MMD2: variants seen among roughly 807,000 people sequenced by gnomAD.
The protein encoded by MMD2 is monocyte to macrophage differentiation factor 2.
Under a neutral mutation model 33.5 loss-of-function variants are expected in MMD2, and 30 were observed. The observed-to-expected ratio is 0.90, with a 90% CI of 0.67 to 1.22. MMD2 has a LOEUF of 1.22. Among genes scored for constraint, MMD2 ranks in the 50% most tolerant of loss-of-function variants. The pLI is 0.00. For synonymous variants in MMD2, 129 were observed against 123.0 expected (o/e 1.05, Z -0.32); for missense variants, 364 against 325.4 (o/e 1.12, Z -0.91).
At chr7:4,934,281 T>C (rs1785676386) in intron 1 of MMD2, among the ~76,000 whole-genome samples, 1 of 150,252 alleles carries the variant, frequency 6.7e-6, no homozygotes, top group Non-Finnish European at 1.5e-5. Context: ...TTTTTGGATT[T>C]TTAGCGGAGA....
chr7:4,902,821 G>A (rs555881264), downstream of MMD2, among the ~76,000 whole-genome samples: 13 of 152,302 alleles, frequency 8.5e-5, no homozygotes, highest in Non-Finnish European at 1.9e-4. Flanking sequence ...CACTCGTGGT[G>A]CATGAAGCCA....
In MMD2 at chr7:4,910,035, G is replaced by C. The variant is rs760437263; in HGVS notation, c.468-85C>G. Reference sequence around the variant, plus strand: ...ACAGCTCCCTGTTCTTGGGGAAGAGGGAACACTCTGGCCAGAACAGTGAGA... The same window carrying C: ...ACAGCTCCCTGTTCTTGGGGAAGAGCGAACACTCTGGCCAGAACAGTGAGA... On this transcript the variant is annotated intron_variant, in intron 5 of 6. Coordinates refer to ENST00000401401, the MANE Select transcript of MMD2 (RefSeq NM_198403.4). 3.8e-5 allele frequency: 61 copies of C among 1,613,454 alleles called. No individual in the cohort carries two copies. In the East Asian group the frequency reaches 1.3e-3, roughly 35 times the overall value.
At chr7:4,903,630 G>A (rs549479753), downstream of MMD2, among the ~76,000 whole-genome samples, 40 of 152,332 alleles carry the variant, frequency 2.6e-4, no homozygotes, top group South Asian at 8.3e-4. Context: ...AGGTGGGCAC[G>A]CAGCCGGGGT....
Position 4,907,592 on chromosome 7 carries a change from G to C in MMD2, c.545C>G (p.Thr182Ser). 5 of 1,612,356 alleles carry C rather than the reference G, an allele frequency of 3.1e-6. No individual in the cohort carries two copies. In the South Asian group the frequency reaches 5.5e-5, roughly 18 times the overall value. ...PALVILSMPN[T>S]EGIWELVTGG... ...GGTCACCAGCTCCCAGATGCCCTCG[G>C]TGTTGGGCTGTCGGCAAGGACAAGG... Residue 182 changes from threonine to serine, a missense_variant, in exon 7 of 7, where the codon ACC becomes AGC. Transcript: ENST00000401401.
At chr7:4,926,359 G>T (rs1785427479) in intron 1 of MMD2, among the ~76,000 whole-genome samples, 1 of 152,176 alleles carries the variant, frequency 6.6e-6, no homozygotes, top group Non-Finnish European at 1.5e-5. Context: ...TTCCCAAAGT[G>T]CTGGGATTAC....
At chr7:4,942,415 AT>A (rs10544029) in intron 1 of MMD2, among the ~76,000 whole-genome samples, 37,702 of 150,698 alleles carry the variant, frequency 0.25, 6,716 homozygotes, top group African/African-American at 0.5. Context: ...GGACATTTCT[AT>A]TTTTTTTTTA....
intron 1 of MMD2, among the ~76,000 whole-genome samples, chr7:4,943,080 G>A (rs1240089329): frequency 7.1e-6 from 1 of 141,782 alleles, no homozygotes; most frequent in Non-Finnish European, 1.5e-5. Context: ...CGCAATGTCA[G>A]CTCATTGCAA....
intron 1 of MMD2, among the ~76,000 whole-genome samples, chr7:4,933,179 T>C (rs1011071414): frequency 1.3e-5 from 2 of 151,908 alleles, no homozygotes; most frequent in African/African-American, 4.8e-5. Flanking sequence ...TTTGGCAACA[T>C]AGCAAGACCC....
intron 1 of MMD2, among the ~76,000 whole-genome samples, chr7:4,945,866 C>A (rs1352610075): frequency 6.6e-6 from 1 of 152,230 alleles, no homozygotes; most frequent in Non-Finnish European, 1.5e-5. Context: ...TGAGCCGCCG[C>A]ACCCGGCCTC....
rs75843213 is a variant in MMD2 at position 4,921,749 on chromosome 7, G to A, written c.130-1418C>T. Among the ~76,000 whole-genome samples, 14 of 151,994 alleles carry A rather than the reference G, an allele frequency of 9.2e-5. No homozygotes were observed. The East Asian group carries it at 2.1e-3, about 23-fold the overall frequency. ...GAGTCCCAAAGGAAAGAGGTATCCCGCTAGCCTCCCCGACACCCAGGCTGG... is the reference window on the plus strand; with the variant it reads ...GAGTCCCAAAGGAAAGAGGTATCCCACTAGCCTCCCCGACACCCAGGCTGG... On this transcript the variant is annotated intron_variant, in intron 2 of 6. Coordinates refer to ENST00000401401, the MANE Select transcript of MMD2 (RefSeq NM_198403.4).
chr7:4,946,622 G>A lies in MMD2; in HGVS notation c.47+12349C>T, dbSNP rs1308655205. ...AGGACCTCAGTATCTCTCATCCCAG[G>A]GGTTACCTTAGAGCCCTCATGGATC... On this transcript the variant is annotated intron_variant, in intron 1 of 6. Transcript: ENST00000401401. This position sits in a 1 kb window ranked among gnomAD's most constrained non-coding sequence, Gnocchi z 5.0. Among the ~76,000 whole-genome samples the A allele has an allele frequency of 6.6e-6, 1 of 152,152 alleles. No individual in the cohort carries two copies. The highest frequency in any genetic ancestry group is 2.4e-5 in the African/African-American group (1 of 41,446).
chr7:4,900,228 C>G, the MMD2 span, among the ~76,000 whole-genome samples: 1 of 151,966 alleles, frequency 6.6e-6, no homozygotes, highest in Non-Finnish European at 1.5e-5. Flanking sequence ...CACCACTGCA[C>G]TCCAGCCTGG....
At position 4,959,159 on chromosome 7, in the gene MMD2, C is replaced by CA. The variant is rs1786474858; in HGVS notation, c.-143_-142insT. 3 of 504,564 alleles carry CA rather than the reference C, an allele frequency of 5.9e-6. No individual in the cohort carries two copies. In the African/African-American group the frequency reaches 6.4e-5, roughly 11 times the overall value. 31.3% of individuals were successfully genotyped at this position (504,564 alleles called of 1,614,324 possible). Reference sequence around the variant, plus strand: ...CCTGGTCGGCGCCCGGAGCCGGAGCCGGAGCCCGAGCCGGAGCTGGAGGCG... The same window carrying CA: ...CCTGGTCGGCGCCCGGAGCCGGAGCCAGGAGCCCGAGCCGGAGCTGGAGGCG... On this transcript the variant is annotated 5_prime_UTR_variant, in exon 1 of 7. Coordinates refer to ENST00000401401, the MANE Select transcript of MMD2 (RefSeq NM_198403.4).
intron 4 of MMD2, among the ~76,000 whole-genome samples, chr7:4,914,275 G>A (rs1169684903): frequency 2.0e-5 from 3 of 152,066 alleles, no homozygotes; most frequent in East Asian, 3.9e-4. Flanking sequence ...TTTATCTCTG[G>A]GAAATTATTA....
At chr7:4,913,563 C>G (rs969281183) in intron 4 of MMD2, among the ~76,000 whole-genome samples, 8 of 151,548 alleles carry the variant, frequency 5.3e-5, no homozygotes, top group African/African-American at 1.9e-4. Flanking sequence ...ACTAAAAATA[C>G]AAAAATTAGT....
At chr7:4,955,372 C>T (rs545292975) in intron 1 of MMD2, among the ~76,000 whole-genome samples, 33 of 152,204 alleles carry the variant, frequency 2.2e-4, no homozygotes, top group Admixed American at 7.2e-4. Flanking sequence ...GCCTACCACC[C>T]GCTGAGAAAC....
chr7:4,933,981 G>C (rs1785666864), intron 1 of MMD2, among the ~76,000 whole-genome samples: 2 of 132,894 alleles, frequency 1.5e-5, no homozygotes. Context: ...CTAGGCTGGA[G>C]TGCAATGGTG....
intron 1 of MMD2, among the ~76,000 whole-genome samples, chr7:4,945,819 C>G (rs1165446979): frequency 6.6e-6 from 1 of 152,210 alleles, no homozygotes; most frequent in Non-Finnish European, 1.5e-5. Context: ...AAGTGATCCT[C>G]CCGCCTTGGC....
chr7:4,904,760 C>G (rs1784838932), downstream of MMD2, among the ~76,000 whole-genome samples: 1 of 152,176 alleles, frequency 6.6e-6, no homozygotes, highest in East Asian at 1.9e-4. Context: ...GACCAAAGCT[C>G]CCACAATGCC....
Sources: allele counts gnomAD v4.1 joint callset (sites outside exome capture counted in the v4.1 genomes callset), GRCh38; gene constraint gnomAD v4.1.1; non-coding constraint Gnocchi (gnomAD v3.1); transcripts MANE v1.5; gene names NCBI Gene and HGNC (gene_info 2026-07-23, HGNC 2026-07-21).